Variants in KCNIP4 observed in about 807,000 individuals in gnomAD.
The protein encoded by KCNIP4 is Kv channel-interacting protein 4.
A neutral mutation model predicts 34.0 loss-of-function variants in KCNIP4; 12 were observed. The observed-to-expected ratio is 0.35, with a 90% CI of 0.23 to 0.57. The LOEUF (loss-of-function observed/expected upper bound fraction) is 0.57. Among genes scored for constraint, KCNIP4 ranks in the 20% least tolerant of loss-of-function variants. KCNIP4 has a pLI of 0.83. For missense variants in KCNIP4, 238 were observed against 311.7 expected (o/e 0.76, Z 1.78); for synonymous variants, 124 against 102.2 (o/e 1.21, Z -1.29).
chr4:21,640,464 A>AT (rs1411549637), intron 1 of KCNIP4, among the ~76,000 whole-genome samples: 1 of 152,164 alleles, frequency 6.6e-6, no homozygotes, highest in Non-Finnish European at 1.5e-5. Context: ...CAGATCTTAA[A>AT]TGACACATTC....
At chr4:21,625,950 C>A (rs536245322) in intron 1 of KCNIP4, among the ~76,000 whole-genome samples, 8 of 152,232 alleles carry the variant, frequency 5.3e-5, no homozygotes, top group African/African-American at 1.9e-4. Context: ...CTTTGACCCA[C>A]AAATGAGAGG....
chr4:21,149,510 G>A (rs1020976452), intron 1 of KCNIP4, among the ~76,000 whole-genome samples: 1 of 152,148 alleles, frequency 6.6e-6, no homozygotes, highest in African/African-American at 2.4e-5. Context: ...ATGAGAAGAC[G>A]CAGGACCATT....
intron 1 of KCNIP4, among the ~76,000 whole-genome samples, chr4:21,051,965 G>A (rs1161752682): frequency 1.3e-5 from 2 of 152,202 alleles, no homozygotes; most frequent in Non-Finnish European, 2.9e-5. Context: ...GATTAGCAAA[G>A]TAGAATTGCT....
At chr4:21,557,094 T>C (rs1244832601) in intron 1 of KCNIP4, among the ~76,000 whole-genome samples, 1 of 152,088 alleles carries the variant, frequency 6.6e-6, no homozygotes, top group East Asian at 1.9e-4. Flanking sequence ...TATCTTCCAG[T>C]AGTGGGTACC....
intron 1 of KCNIP4, among the ~76,000 whole-genome samples, chr4:21,503,008 C>G (rs1473253868): frequency 1.3e-5 from 2 of 152,102 alleles, no homozygotes; most frequent in Non-Finnish European, 2.9e-5. Context: ...AGTAGGCAGG[C>G]ATGAAATTAG....
chr4:21,479,240 T>A (rs1731231416), intron 1 of KCNIP4, among the ~76,000 whole-genome samples: 1 of 152,196 alleles, frequency 6.6e-6, no homozygotes, highest in Non-Finnish European at 1.5e-5. Context: ...CTCATCCTGC[T>A]GCTGCTCAAA....
intron 1 of KCNIP4, among the ~76,000 whole-genome samples, chr4:21,694,785 T>G (rs1712078787): frequency 6.6e-6 from 1 of 151,620 alleles, no homozygotes; most frequent in South Asian, 2.1e-4. Context: ...CAATATTCTA[T>G]GTTTGTATAA....
At chr4:21,259,400 T>A (rs1761300484) in intron 1 of KCNIP4, among the ~76,000 whole-genome samples, 1 of 152,228 alleles carries the variant, frequency 6.6e-6, no homozygotes, top group Non-Finnish European at 1.5e-5. Context: ...TTTTTTTGTT[T>A]ATGCCTTCAA....
chr4:20,924,383 G>A (rs6849543), intron 1 of KCNIP4, among the ~76,000 whole-genome samples: 15,284 of 152,192 alleles, frequency 0.1, 816 homozygotes, highest in South Asian at 0.25. Context: ...TGAACTTTGA[G>A]ATGCTCATGA....
intron 1 of KCNIP4, among the ~76,000 whole-genome samples, chr4:21,195,637 A>C (rs902922729): frequency 2.6e-5 from 4 of 152,236 alleles, no homozygotes; most frequent in African/African-American, 9.6e-5. Context: ...CCATTCAAGA[A>C]ATCAAAGAAA....
At chr4:20,801,534 CA>C (rs1374186792) in intron 3 of KCNIP4, among the ~76,000 whole-genome samples, 1 of 151,970 alleles carries the variant, frequency 6.6e-6, no homozygotes, top group Non-Finnish European at 1.5e-5. Flanking sequence ...TGTGTGACAT[CA>C]AAAACATAAG....
At chr4:21,193,376 A>C (rs1001980744) in intron 1 of KCNIP4, among the ~76,000 whole-genome samples, 1 of 152,234 alleles carries the variant, frequency 6.6e-6, no homozygotes, top group African/African-American at 2.4e-5. Context: ...AAAATATACT[A>C]ATGGATTTAC....
intron 1 of KCNIP4, among the ~76,000 whole-genome samples, chr4:20,892,665 T>G (rs1316905840): frequency 6.6e-6 from 1 of 152,210 alleles, no homozygotes; most frequent in Non-Finnish European, 1.5e-5. Flanking sequence ...GAGAGAGTTT[T>G]GGTCAGTTGA....
chr4:20,749,155 C>CAA (rs1553888859), intron 5 of KCNIP4, among the ~76,000 whole-genome samples: 3 of 128,998 alleles, frequency 2.3e-5, no homozygotes, highest in Admixed American at 1.6e-4. Context: ...GAGACTCTTT[C>CAA]AAAAAAAAAA....
At chr4:21,928,454 C>A (rs369700934) in intron 1 of KCNIP4, among the ~76,000 whole-genome samples, 15 of 152,166 alleles carry the variant, frequency 9.9e-5, no homozygotes, top group Admixed American at 5.2e-4. Context: ...GAATGTTTTC[C>A]AGAAACCTGA....
At chr4:20,856,106 G>A (rs755776419) in intron 2 of KCNIP4, among the ~76,000 whole-genome samples, 2 of 152,196 alleles carry the variant, frequency 1.3e-5, no homozygotes, top group Non-Finnish European at 2.9e-5. Flanking sequence ...AGATAGAAAA[G>A]ATGATGGAAA....
At chr4:20,848,881 G>C (rs974507050) in intron 3 of KCNIP4, among the ~76,000 whole-genome samples, 10 of 152,138 alleles carry the variant, frequency 6.6e-5, no homozygotes, top group African/African-American at 2.4e-4. Flanking sequence ...GAACACATTT[G>C]AAGTTTTATT....
chr4:21,846,363 G>A (rs2109328518), intron 1 of KCNIP4: 1 of 152,188 alleles, frequency 6.6e-6, no homozygotes, highest in Middle Eastern at 3.4e-3. Flanking sequence ...TATACACAAA[G>A]AGAGATAGAG....
At chr4:21,920,945 G>C (rs1387616785) in intron 1 of KCNIP4, among the ~76,000 whole-genome samples, 1 of 152,110 alleles carries the variant, frequency 6.6e-6, no homozygotes, top group South Asian at 2.1e-4. Flanking sequence ...ACATCCTACA[G>C]AGTTTTACAG....
Sources: gnomAD v4.1 joint callset for allele counts (sites outside exome capture counted in the v4.1 genomes callset) on GRCh38, gnomAD v4.1.1 for gene constraint, MANE v1.5 for transcripts, NCBI Gene and HGNC (gene_info 2026-07-23, HGNC 2026-07-21) for gene names.